Variants in GALNT18 observed in about 807,000 individuals in gnomAD.
GALNT18 encodes the protein polypeptide N-acetylgalactosaminyltransferase 18, also known as GalNAc-transferase 18.
Under a neutral mutation model 69.5 loss-of-function variants are expected in GALNT18, and 44 were observed. That is an observed-to-expected ratio of 0.63 (90% CI 0.50 to 0.81). The LOEUF is 0.81. Ranked by LOEUF, GALNT18 falls within the 40% of genes least tolerant of loss-of-function variation. The probability of loss-of-function intolerance (pLI) is 0.00; values close to 1 mark genes in which losing one functional copy is unlikely to be tolerated. For synonymous variants in GALNT18, 364 were observed against 318.2 expected, an observed-to-expected ratio of 1.14 and a Z score of -1.53; for missense variants, 715 against 810.0, an observed-to-expected ratio of 0.88 and a Z score of 1.42.
rs192082162 is a variant in GALNT18 at position 11,461,760 on chromosome 11, C to G, written c.236-12824G>C. Reference sequence around the variant, plus strand: ...AGACACACGGATGGGAACAGCTGGGCTAGACAGGGAGAAAGCAGTGTGGCC... The same window carrying G: ...AGACACACGGATGGGAACAGCTGGGGTAGACAGGGAGAAAGCAGTGTGGCC... On this transcript the variant is annotated intron_variant, in intron 1 of 10. Transcript: ENST00000227756. This position sits in a 1 kb window ranked among gnomAD's most constrained non-coding sequence, Gnocchi z 4.1. 1.3e-5 allele frequency among the ~76,000 whole-genome samples: 2 copies of G among 152,324 alleles called. No individual in the cohort carries two copies. Among genetic ancestry groups the G allele is most frequent in the Admixed American group, 1.3e-4 (2 of 15,308 alleles).
intron 7 of GALNT18, among the ~76,000 whole-genome samples, chr11:11,336,273 C>T (rs1036275305): frequency 5.3e-5 from 8 of 152,134 alleles, no homozygotes; most frequent in African/African-American, 1.2e-4. Flanking sequence ...GGAGGCTCTT[C>T]GACCTTTCAA....
intron 3 of GALNT18, among the ~76,000 whole-genome samples, chr11:11,394,220 G>A (rs111886526): frequency 1.3e-5 from 2 of 152,158 alleles, no homozygotes; most frequent in African/African-American, 4.8e-5. Context: ...GATGGATGAA[G>A]GGGCTTTCCT....
chr11:11,478,202 C>T (rs2133864559), intron 1 of GALNT18, among the ~76,000 whole-genome samples: 1 of 152,320 alleles, frequency 6.6e-6, no homozygotes, highest in African/African-American at 2.4e-5. Context: ...ACAGAAGCAA[C>T]ACTGGGAGCT....
chr11:11,548,462 A>C (rs1390642917), intron 1 of GALNT18, among the ~76,000 whole-genome samples: 1 of 152,244 alleles, frequency 6.6e-6, no homozygotes, highest in Non-Finnish European at 1.5e-5. Flanking sequence ...TACTTGTCCC[A>C]GCTAGCTTCT....
At chr11:11,535,129 G>T (rs1857746762) in intron 1 of GALNT18, among the ~76,000 whole-genome samples, 2 of 152,236 alleles carry the variant, frequency 1.3e-5, no homozygotes, top group Non-Finnish European at 2.9e-5. Flanking sequence ...GTATCTGCAT[G>T]GCTCTCAGCC....
intron 9 of GALNT18, among the ~76,000 whole-genome samples, chr11:11,293,739 A>G (rs1164470328): frequency 6.6e-6 from 1 of 151,988 alleles, no homozygotes; most frequent in Non-Finnish European, 1.5e-5. Flanking sequence ...ACGGGGTTTC[A>G]CCATGTTGGT....
In GALNT18 at chr11:11,453,246, T is replaced by C. The variant is rs115601307; in HGVS notation, c.236-4310A>G. Among the ~76,000 whole-genome samples the C allele has an allele frequency of 6.9e-3, 1,055 of 152,204 alleles. 15 individuals carry two copies. Among genetic ancestry groups the C allele is most frequent in the African/African-American group, 0.024 (1,013 of 41,516 alleles). On this transcript the variant is annotated intron_variant, in intron 1 of 10. Coordinates refer to ENST00000227756, the MANE Select transcript of GALNT18 (RefSeq NM_198516.3). ...CCCTGGGCCAGGGGAAACATTACCA[T>C]GCCACGTCCTTCTCTGATCAGAACC...
In GALNT18 at chr11:11,591,318, TAAC is replaced by T. The variant is rs1219929039; in HGVS notation, c.235+30038_235+30040del. Among the ~76,000 whole-genome samples, 1 of 152,222 alleles carries T rather than the reference TAAC, an allele frequency of 6.6e-6. No homozygotes were observed. Among genetic ancestry groups the T allele is most frequent in the Non-Finnish European group, 1.5e-5 (1 of 68,036 alleles). On this transcript the variant is annotated intron_variant, in intron 1 of 10. Coordinates refer to ENST00000227756, the MANE Select transcript of GALNT18 (RefSeq NM_198516.3). The surrounding 1 kb of genome is among the most constrained non-coding windows in gnomAD (Gnocchi z 4.8). The stretch of plus-strand genomic sequence containing the variant: ...AGTTTGCACACTGATAATACTGTGT[TAAC>T]AATGCATTTCTCAGAACATATCCCC...
Position 11,555,954 on chromosome 11 carries a change from T to C in GALNT18, c.235+65405A>G, listed in dbSNP as rs938501212. 6.6e-6 allele frequency among the ~76,000 whole-genome samples: 1 copy of C among 152,190 alleles called. No homozygotes were observed. The highest frequency in any genetic ancestry group is 2.4e-5 in the African/African-American group (1 of 41,440). Reference sequence around the variant, plus strand: ...TTGATCTGGTTTGCTTTCCCTTATTTCCTCTGAGTCCTCTAACCGAGATCA... The same window carrying C: ...TTGATCTGGTTTGCTTTCCCTTATTCCCTCTGAGTCCTCTAACCGAGATCA... On this transcript the variant is annotated intron_variant, in intron 1 of 10. Coordinates refer to ENST00000227756, the MANE Select transcript of GALNT18 (RefSeq NM_198516.3). This position sits in a 1 kb window ranked among gnomAD's most constrained non-coding sequence, Gnocchi z 4.7.
intron 6 of GALNT18, among the ~76,000 whole-genome samples, chr11:11,359,588 C>T (rs150078424): frequency 1.3e-5 from 2 of 152,294 alleles, no homozygotes; most frequent in South Asian, 2.1e-4. Flanking sequence ...ACTGTTACCC[C>T]TCCAGTTCTG....
rs1159915723 is a variant in GALNT18 at position 11,347,123 on chromosome 11, C to A, written c.1093-6119G>T. ...GCCACTCACACAAACAAGCCTCCTG[C>A]TCCCAAGCCTCAATTTCCCCCAGCT... On this transcript the variant is annotated intron_variant, in intron 6 of 10. Coordinates refer to ENST00000227756, the MANE Select transcript of GALNT18 (RefSeq NM_198516.3). The surrounding 1 kb of genome is among the most constrained non-coding windows in gnomAD (Gnocchi z 4.0). Among the ~76,000 whole-genome samples, 1 of 152,178 alleles carries A rather than the reference C, an allele frequency of 6.6e-6. No individual in the cohort carries two copies. The highest frequency in any genetic ancestry group is 1.5e-5 in the Non-Finnish European group (1 of 68,032).
At position 11,394,045 on chromosome 11, in the gene GALNT18, G is replaced by A. The variant is rs562630246; in HGVS notation, c.596-14781C>T. 4.6e-5 allele frequency among the ~76,000 whole-genome samples: 7 copies of A among 152,270 alleles called. No homozygotes were observed. The East Asian group carries it at 5.8e-4, about 13-fold the overall frequency. The stretch of plus-strand genomic sequence containing the variant: ...TCAGTATCCACCTCTTAAGAAACTC[G>A]CAGTTTAGTGGGAAGAAAGAATTAA... On this transcript the variant is annotated intron_variant, in intron 3 of 10. Transcript: ENST00000227756.
intron 1 of GALNT18, among the ~76,000 whole-genome samples, chr11:11,565,392 T>C (rs1038340772): frequency 1.3e-5 from 2 of 152,068 alleles, no homozygotes; most frequent in South Asian, 4.1e-4. Context: ...GTGGGAAGGG[T>C]TCTGGTATGC....
chr11:11,621,504 G>T lies in GALNT18; in HGVS notation c.90C>A (p.Gly30=). 1 of 1,614,140 alleles carries T rather than the reference G, an allele frequency of 6.2e-7. No homozygotes were observed. Among genetic ancestry groups the T allele is most frequent in the Non-Finnish European group, 8.5e-7 (1 of 1,180,014 alleles). ...CGCTGGCGATGTAGTTGGTGACCCAGCCCACGTAGAGCAGGCAGATGATGT... is the reference window on the plus strand; with the variant it reads ...CGCTGGCGATGTAGTTGGTGACCCATCCCACGTAGAGCAGGCAGATGATGT... ...MTNIICLLYV[G]WVTNYIASVY... Residue 30 remains glycine (G), a synonymous_variant, in exon 1 of 11, where the codon GGC becomes GGA. Transcript: ENST00000227756. This position sits in a 1 kb window ranked among gnomAD's most constrained non-coding sequence, Gnocchi z 9.3.
chr11:11,307,213 G>A (rs531043294), intron 9 of GALNT18, among the ~76,000 whole-genome samples: 2 of 152,292 alleles, frequency 1.3e-5, no homozygotes, highest in South Asian at 4.1e-4. Flanking sequence ...TTTTGGGGTA[G>A]TTTGTTATAT....
In GALNT18 at chr11:11,583,283, C is replaced by G. The variant is rs567055948; in HGVS notation, c.235+38076G>C. On this transcript the variant is annotated intron_variant, in intron 1 of 10. Transcript: ENST00000227756. This position sits in a 1 kb window ranked among gnomAD's most constrained non-coding sequence, Gnocchi z 4.7. ...GGGCTATTTCTCAAAGCAGCTGGTC[C>G]TTCTAGATGCTAGCCCTCTGTGTGC... is the stretch of plus-strand genomic sequence containing the variant. Among the ~76,000 whole-genome samples, 3 of 152,298 alleles carry G rather than the reference C, an allele frequency of 2.0e-5. No individual in the cohort carries two copies. The highest frequency in any genetic ancestry group is 4.4e-5 in the Non-Finnish European group (3 of 68,032).
intron 1 of GALNT18, among the ~76,000 whole-genome samples, chr11:11,498,693 G>A (rs1024161461): frequency 2.6e-5 from 4 of 152,180 alleles, no homozygotes; most frequent in Admixed American, 2.0e-4. Context: ...CAGCTACTGG[G>A]GAGGCTGAGA....
chr11:11,276,968 T>G (rs989084936), intron 10 of GALNT18, among the ~76,000 whole-genome samples: 1 of 150,936 alleles, frequency 6.6e-6, no homozygotes, highest in Non-Finnish European at 1.5e-5. Context: ...TGGCCTGAAA[T>G]TTTCTTTTTT....
intron 5 of GALNT18, among the ~76,000 whole-genome samples, chr11:11,376,151 G>C (rs1468811319): frequency 6.6e-6 from 1 of 152,138 alleles, no homozygotes; most frequent in African/African-American, 2.4e-5. Flanking sequence ...GGGAGGCCGA[G>C]GCGGGTAGAT....
Sources: gnomAD v4.1 joint callset for allele counts (sites outside exome capture counted in the v4.1 genomes callset) on GRCh38, gnomAD v4.1.1 for gene constraint, Gnocchi (gnomAD v3.1) non-coding constraint, MANE v1.5 for transcripts, NCBI Gene and HGNC (gene_info 2026-07-23, HGNC 2026-07-21) for gene names.